RAB27B: variants seen among roughly 807,000 people sequenced by gnomAD.
The protein encoded by RAB27B is RAB27B, member RAS oncogene family.
Under a neutral mutation model 24.6 loss-of-function variants are expected in RAB27B, and 15 were observed. The ratio of observed to expected loss-of-function variants is 0.61; its 90% CI spans 0.41 to 0.94. The LOEUF is 0.94. Among genes scored for constraint, RAB27B ranks in the 40% least tolerant of loss-of-function variants. The pLI is 0.00. For missense variants in RAB27B, 261 were observed against 266.8 expected, an observed-to-expected ratio of 0.98 and a Z score of 0.15; for synonymous variants, 105 against 92.5, an observed-to-expected ratio of 1.14 and a Z score of -0.78.
intron 5 of RAB27B, 116 bp from the exon 6 acceptor site, chr18:54,889,108 A>G: frequency 2.0e-6 from 2 of 1,011,010 alleles, no homozygotes. Flanking sequence ...GCAAAACCAT[A>G]ATCATTTCAC....
intron 2 of RAB27B, among the ~76,000 whole-genome samples, chr18:54,808,883 C>T (rs1017265402): frequency 1.3e-5 from 2 of 152,114 alleles, no homozygotes; most frequent in African/African-American, 4.8e-5. Flanking sequence ...GAACCTTTAA[C>T]ATACCAGAAA....
chr18:54,744,931 G>T, intron 2 of RAB27B: 1 of 207,854 alleles, frequency 4.8e-6, no homozygotes, highest in South Asian at 9.6e-5. Context: ...TCTGCTGGTG[G>T]CTCATGCCAT....
chr18:54,784,584 G>A (rs1909020941), intron 2 of RAB27B, among the ~76,000 whole-genome samples: 1 of 152,192 alleles, frequency 6.6e-6, no homozygotes, highest in Admixed American at 6.5e-5. Context: ...CTGTTCCTGT[G>A]TCAATTAACT....
chr18:54,735,120 C>G (rs1441074467), intron 2 of RAB27B, among the ~76,000 whole-genome samples: 1 of 152,046 alleles, frequency 6.6e-6, no homozygotes, highest in Non-Finnish European at 1.5e-5. Flanking sequence ...CTTGTTCTGC[C>G]AGGCAAAAAT....
intron 2 of RAB27B, among the ~76,000 whole-genome samples, chr18:54,786,536 A>G (rs960255170): frequency 6.6e-6 from 1 of 152,248 alleles, no homozygotes; most frequent in Non-Finnish European, 1.5e-5. Flanking sequence ...ATGTCTTTCA[A>G]TACTTAATTA....
chr18:54,855,442 T>C (rs1381409240), intron 1 of RAB27B, among the ~76,000 whole-genome samples: 2 of 152,180 alleles, frequency 1.3e-5, no homozygotes, highest in Non-Finnish European at 2.9e-5. Flanking sequence ...ATATAATATA[T>C]ATCATCAAAG....
chr18:54,884,288 T>C (rs1185926789), intron 3 of RAB27B, 45 bp from the exon 4 acceptor site: 2 of 1,156,358 alleles, frequency 1.7e-6, no homozygotes, highest in South Asian at 2.5e-5. Flanking sequence ...TTGTCAAAGA[T>C]ATGTGGACTA....
intron 2 of RAB27B, among the ~76,000 whole-genome samples, chr18:54,766,983 G>A (rs922620936): frequency 6.6e-6 from 1 of 152,102 alleles, no homozygotes; most frequent in Non-Finnish European, 1.5e-5. Flanking sequence ...AAGAATGCAG[G>A]CATTTGGCCA....
At chr18:54,850,501 G>T (rs974763357) in intron 1 of RAB27B, among the ~76,000 whole-genome samples, 2 of 150,790 alleles carry the variant, frequency 1.3e-5, no homozygotes, top group African/African-American at 4.9e-5. Flanking sequence ...CAAATAGCTG[G>T]GACTACAGGT....
rs79909872 is a variant in RAB27B at position 54,857,253 on chromosome 18, C to A, written c.-19-20314C>A. On this transcript the variant is annotated intron_variant, in intron 1 of 5. Coordinates refer to ENST00000262094, the MANE Select transcript of RAB27B (RefSeq NM_004163.4). ...AAGTCTAATGGTATGTGCTGTCTTA[C>A]CTACCCACTCACACCTTTTACAAAA... 9.0e-4 allele frequency among the ~76,000 whole-genome samples: 137 copies of A among 152,280 alleles called. 2 individuals are homozygous for A. The East Asian group carries it at 0.024, about 26-fold the overall frequency.
rs4488536 is a variant in RAB27B, at chr18:54,820,643, G to T, written c.-19-56924G>T. The stretch of plus-strand genomic sequence containing the variant: ...TAATTAGATCCCATTTGTCAATTTT[G>T]GCTTTTGTTGCCATTGCTTTTGGTG... On this transcript the variant is annotated intron_variant, in intron 2 of 4. Coordinates refer to the RAB27B transcript ENST00000586570. Among the ~76,000 whole-genome samples the T allele has an allele frequency of 4.5e-3, 681 of 152,092 alleles. 2 individuals carry two copies. Among genetic ancestry groups the T allele is most frequent in the African/African-American group, 0.016 (662 of 41,502 alleles).
At position 54,779,208 on chromosome 18, in the gene RAB27B, G is replaced by A. The variant is rs186657389; in HGVS notation, c.-20+61067G>A. 5.9e-3 allele frequency among the ~76,000 whole-genome samples: 890 copies of A among 152,076 alleles called. 8 individuals carry two copies. The highest frequency in any genetic ancestry group is 7.8e-3 in the Non-Finnish European group (529 of 67,996). ...GTCATTCTAGATTGTTTTAAATAGC[G>A]GTTATTTCTTCATCTTCAAAATTTT... is the stretch of plus-strand genomic sequence containing the variant. On this transcript the variant is annotated intron_variant, in intron 2 of 4. Coordinates refer to the RAB27B transcript ENST00000586570.
chr18:54,725,219 C>T (rs1052927847), intron 2 of RAB27B, among the ~76,000 whole-genome samples: 1 of 151,200 alleles, frequency 6.6e-6, no homozygotes, highest in African/African-American at 2.4e-5. Flanking sequence ...TTCAAGGTTA[C>T]CAGAAAGATT....
chr18:54,836,148 C>T (rs949300895), intron 1 of RAB27B, among the ~76,000 whole-genome samples: 4 of 151,920 alleles, frequency 2.6e-5, no homozygotes, highest in African/African-American at 7.3e-5. Context: ...GCATCTGTTT[C>T]CTGTGCAAGC....
intron 2 of RAB27B, among the ~76,000 whole-genome samples, chr18:54,790,373 T>C (rs1379803133): frequency 6.6e-6 from 1 of 152,142 alleles, no homozygotes; most frequent in Non-Finnish European, 1.5e-5. Flanking sequence ...AAATTATTCC[T>C]TTTCAAATAC....
At chr18:54,735,381 T>C (rs1909856653) in intron 2 of RAB27B, among the ~76,000 whole-genome samples, 1 of 152,202 alleles carries the variant, frequency 6.6e-6, no homozygotes, top group Non-Finnish European at 1.5e-5. Context: ...AACTACACTT[T>C]CTGAGGCTAC....
intron 1 of RAB27B, among the ~76,000 whole-genome samples, chr18:54,872,347 C>A (rs1338783276): frequency 6.6e-6 from 1 of 152,094 alleles, no homozygotes; most frequent in Non-Finnish European, 1.5e-5. Flanking sequence ...GCTCAGGGGC[C>A]AGGCACAGTG....
intron 2 of RAB27B, among the ~76,000 whole-genome samples, chr18:54,721,101 A>C (rs13381537): frequency 0.84 from 128,246 of 152,110 alleles, 54,642 homozygotes; most frequent in African/African-American, 0.96. Context: ...TTCTCCAGAG[A>C]AAAGGTTTTG....
At chr18:54,857,794 A>C (rs1385924349) in intron 1 of RAB27B, among the ~76,000 whole-genome samples, 1 of 152,264 alleles carries the variant, frequency 6.6e-6, no homozygotes, top group African/African-American at 2.4e-5. Flanking sequence ...GATATAGCCC[A>C]GTAAATGCAG....
Sources: allele counts gnomAD v4.1 joint callset (sites outside exome capture counted in the v4.1 genomes callset), GRCh38; gene constraint gnomAD v4.1.1; transcripts MANE v1.5; gene names NCBI Gene and HGNC (gene_info 2026-07-23, HGNC 2026-07-21).